Variants in LIPH observed in about 807,000 individuals in gnomAD.
LIPH encodes the protein lipase member H.
Under a neutral mutation model 47.6 loss-of-function variants are expected in LIPH, and 32 were observed. That is an observed-to-expected ratio of 0.67 (90% confidence interval 0.51 to 0.90). The LOEUF is 0.90. Ranked by LOEUF, LIPH falls within the 40% of genes least tolerant of loss-of-function variation. The pLI, the probability that LIPH is intolerant of heterozygous loss-of-function variation, is 0.00. For synonymous variants in LIPH, 190 were observed against 195.6 expected, an observed-to-expected ratio of 0.97 and a Z score of 0.24; for missense variants, 497 against 541.4, an observed-to-expected ratio of 0.92 and a Z score of 0.81.
rs181330563 is a variant in LIPH, at chr3:185,512,584, G to A, written c.1095-887C>T. On this transcript the variant is annotated intron_variant, in intron 8 of 9. Transcript: ENST00000296252. ...GTTCACTGCAACCTCTGCCTCCTGGGTTCAAGTCATTTTCCTGCCTCAGCC... is the reference window on the plus strand; with the variant it reads ...GTTCACTGCAACCTCTGCCTCCTGGATTCAAGTCATTTTCCTGCCTCAGCC... Among the ~76,000 whole-genome samples the A allele has an allele frequency of 5.3e-3, 808 of 151,184 alleles. 5 individuals are homozygous for A. Among genetic ancestry groups the A allele is most frequent in the Non-Finnish European group, 8.3e-3 (564 of 67,820 alleles).
At chr3:185,517,271 A>G (rs1458986148) in intron 6 of LIPH, 109 bp from the exon 7 acceptor site, 1 of 716,198 alleles carries the variant, frequency 1.4e-6, no homozygotes, top group Non-Finnish European at 2.5e-6. Context: ...CTTCTGAGAG[A>G]AACTCCATCC....
At position 185,511,559 on chromosome 3, in the gene LIPH, G is replaced by T; in HGVS notation, c.1233C>A (p.Leu411=). 1 of 1,614,110 alleles carries T rather than the reference G, an allele frequency of 6.2e-7. No homozygotes were observed. The highest frequency in any genetic ancestry group is 8.5e-7 in the Non-Finnish European group (1 of 1,180,018). Residue 411 remains leucine (L), a synonymous_variant, in exon 9 of 10, where the codon CTC becomes CTA. Transcript: ENST00000296252. ...GGGCAAGGGACCTTAACTTCATTCG[G>T]AGAATCCTGAGCTTGTACCTTGGGC... ...LIGPRYKLRI[L]RMKLRSLAHP...
chr3:185,515,527 TTA>T (rs1491378956), intron 7 of LIPH, among the ~76,000 whole-genome samples: 2 of 151,314 alleles, frequency 1.3e-5, no homozygotes, highest in Non-Finnish European at 3.0e-5. Flanking sequence ...TTTTTTTTTT[TTA>T]AAAGAATCTC....
At chr3:185,532,364 T>G (rs955638280) in intron 3 of LIPH, among the ~76,000 whole-genome samples, 1 of 151,064 alleles carries the variant, frequency 6.6e-6, no homozygotes, top group Non-Finnish European at 1.5e-5. Context: ...AATTAAAAAT[T>G]AAGCAGGTGT....
At chr3:185,542,899 T>C (rs1720756727) in intron 1 of LIPH, among the ~76,000 whole-genome samples, 3 of 152,078 alleles carry the variant, frequency 2.0e-5, no homozygotes, top group African/African-American at 7.2e-5. Flanking sequence ...TTCTCACTTA[T>C]AAAGGAGAGC....
chr3:185,509,946 C>CTTTTTTT (rs66966684), intron 9 of LIPH, among the ~76,000 whole-genome samples: 3 of 118,456 alleles, frequency 2.5e-5, no homozygotes, highest in African/African-American at 6.2e-5. Flanking sequence ...TTTTTGTTTT[C>CTTTTTTT]TTTTTTTTTT....
chr3:185,544,084 C>A (rs1720795250), intron 1 of LIPH, among the ~76,000 whole-genome samples: 1 of 152,074 alleles, frequency 6.6e-6, no homozygotes, highest in Non-Finnish European at 1.5e-5. Flanking sequence ...CTCCTGACCT[C>A]AGGTAATCCA....
At chr3:185,521,141 T>G (rs1229947601) in intron 5 of LIPH, among the ~76,000 whole-genome samples, 1 of 152,184 alleles carries the variant, frequency 6.6e-6, no homozygotes, top group Admixed American at 6.5e-5. Flanking sequence ...GTGCTGGGAT[T>G]TCAGGCATGA....
rs1720792977 is a variant in LIPH, at chr3:185,544,008, G to A, written c.49+8415C>T. ...TGAGATTATAGGTGCATGCCACCAC[G>A]CCCAGCTAATTTTTATATTTTTAGT... is the stretch of plus-strand genomic sequence containing the variant. On this transcript the variant is annotated intron_variant, in intron 1 of 9. Coordinates refer to ENST00000296252, the MANE Select transcript of LIPH (RefSeq NM_139248.3). Among the ~76,000 whole-genome samples the A allele has an allele frequency of 4.0e-5, 6 of 151,692 alleles. No homozygotes were observed. The South Asian group carries it at 8.3e-4, about 21-fold the overall frequency.
At chr3:185,514,842 T>G (rs1055066328) in intron 7 of LIPH, among the ~76,000 whole-genome samples, 2 of 152,146 alleles carry the variant, frequency 1.3e-5, no homozygotes, top group African/African-American at 4.8e-5. Context: ...CATTTTAGAC[T>G]CAACCAACTA....
At chr3:185,523,286 AAGT>A (rs1291947666) in intron 5 of LIPH, among the ~76,000 whole-genome samples, 3 of 152,352 alleles carry the variant, frequency 2.0e-5, no homozygotes, top group African/African-American at 7.2e-5. Flanking sequence ...ATAGTTTTAA[AAGT>A]AGTATATTTG....
chr3:185,551,173 C>A (rs1721038233), intron 1 of LIPH, among the ~76,000 whole-genome samples: 1 of 151,996 alleles, frequency 6.6e-6, no homozygotes, highest in Non-Finnish European at 1.5e-5. Flanking sequence ...GACTCCATCT[C>A]AAAAACAAAC....
intron 7 of LIPH, among the ~76,000 whole-genome samples, chr3:185,515,247 T>A (rs1719691547): frequency 6.6e-6 from 1 of 151,038 alleles, no homozygotes. Context: ...AAAAAAAAAG[T>A]GGTGAATATG....
intron 1 of LIPH, among the ~76,000 whole-genome samples, chr3:185,550,380 A>T (rs1414619817): frequency 6.6e-6 from 1 of 152,194 alleles, no homozygotes; most frequent in East Asian, 1.9e-4. Context: ...AGAATCTAGC[A>T]GTAAAACAAG....
intron 2 of LIPH, 118 bp downstream of exon 2, chr3:185,534,647 A>T: frequency 9.8e-7 from 1 of 1,022,226 alleles, no homozygotes; most frequent in Admixed American, 2.0e-5. Flanking sequence ...GCTTATTCAC[A>T]TTTGCAAAAT....
intron 1 of LIPH, among the ~76,000 whole-genome samples, chr3:185,538,824 T>C (rs537648726): frequency 3.8e-4 from 6 of 15,924 alleles, no homozygotes; most frequent in African/African-American, 7.5e-4. Context: ...TATACACACA[T>C]ATACATATAT....
At chr3:185,550,578 TA>T (rs1255098544) in intron 1 of LIPH, among the ~76,000 whole-genome samples, 3 of 152,122 alleles carry the variant, frequency 2.0e-5, no homozygotes, top group Non-Finnish European at 4.4e-5. Context: ...TATTATTATA[TA>T]TTTTTTTTGA....
rs1345417742 is a variant in LIPH, at chr3:185,507,866, CAT to C, written c.*922_*923del. 1 of 152,064 alleles carries C rather than the reference CAT, an allele frequency of 6.6e-6. No individual in the cohort carries two copies. The highest frequency in any genetic ancestry group is 1.5e-5 in the Non-Finnish European group (1 of 68,030). The allele number at this position is 152,064 out of a possible 1,614,324, so 9.4% of individuals were successfully genotyped here. A position where few individuals can be genotyped will look rare whatever the true frequency, so the allele number is the denominator to read the frequency against. ...ATAGATTACATTGGTAATAAAGAAA[CAT>C]AAACATTTCTTAAGGGTTGCTTAAA... is the stretch of plus-strand genomic sequence containing the variant. On this transcript the variant is annotated 3_prime_UTR_variant, in exon 10 of 10. Coordinates refer to ENST00000296252, the MANE Select transcript of LIPH (RefSeq NM_139248.3).
intron 1 of LIPH, among the ~76,000 whole-genome samples, chr3:185,545,270 A>C (rs931706865): frequency 6.6e-6 from 1 of 152,216 alleles, no homozygotes; most frequent in African/African-American, 2.4e-5. Flanking sequence ...TTGATAAGGA[A>C]TTCAGACTCC....
Sources: allele counts gnomAD v4.1 joint callset (sites outside exome capture counted in the v4.1 genomes callset), GRCh38; gene constraint gnomAD v4.1.1; transcripts MANE v1.5; gene names NCBI Gene and HGNC (gene_info 2026-07-23, HGNC 2026-07-21).